Variants in SHOX observed in about 807,000 individuals in gnomAD.
SHOX encodes the protein short stature homeobox protein.
A neutral mutation model predicts 29.6 loss-of-function variants in SHOX; 12 were observed. The observed-to-expected ratio is 0.41, with a 90% CI of 0.26 to 0.66. The LOEUF (loss-of-function observed/expected upper bound fraction) is 0.66, where lower values mean the gene tolerates loss of function less well. SHOX is among the 30% of genes least tolerant of loss of function. SHOX has a pLI of 0.35. For missense variants in SHOX, 499 were observed against 437.7 expected (o/e 1.14, Z -1.25); for synonymous variants, 214 against 200.6 (o/e 1.07, Z -0.57).
chrX:626,852 C>G (rs763269105), upstream of SHOX, among the ~76,000 whole-genome samples: 4 of 150,820 alleles, frequency 2.7e-5, no homozygotes, highest in African/African-American at 9.8e-5. Context: ...CTCTGTCTCT[C>G]TGTCTGTCTC....
At position 646,713 on chromosome X, in the gene SHOX, G is replaced by A. The variant is rs148442993; in HGVS notation, c.*2077G>A. On this transcript the variant is annotated 3_prime_UTR_variant, in exon 5 of 5. Transcript: ENST00000686671. ...AATGTTACAACCGCTGTAAAATGACGGAGAGAGAGAGAAAGAATCCCAGAC... is the reference window on the plus strand; with the variant it reads ...AATGTTACAACCGCTGTAAAATGACAGAGAGAGAGAGAAAGAATCCCAGAC... 1 of 151,562 alleles carries A rather than the reference G, an allele frequency of 6.6e-6. No individual in the cohort carries two copies. Among genetic ancestry groups the A allele is most frequent in the East Asian group, 1.9e-4 (1 of 5,144 alleles). 9.4% of individuals were successfully genotyped at this position (151,562 alleles called of 1,614,324 possible). A position where few individuals can be genotyped will look rare whatever the true frequency, so the allele number is the denominator to read the frequency against.
At chrX:634,867 G>C in intron 2 of SHOX, 41 bp downstream of exon 2, 6 of 1,539,846 alleles carry the variant, frequency 3.9e-6, no homozygotes, top group Non-Finnish European at 4.4e-6. Context: ...CGGAGCCATC[G>C]CCTGGTCCTC....
At position 650,298 on chromosome X, in the gene SHOX, C is replaced by T. The variant is rs1028537859; in HGVS notation, c.*5662C>T. The stretch of plus-strand genomic sequence containing the variant: ...ACGGGAAGGAGGCCTTTGGGCCGCT[C>T]CAAAGACGCCCTGTCGTAGGAATGG... On this transcript the variant is annotated 3_prime_UTR_variant, in exon 5 of 5. Coordinates refer to ENST00000686671, the MANE Select transcript of SHOX (RefSeq NM_000451.4). Among the ~76,000 whole-genome samples, 1 of 151,890 alleles carries T rather than the reference C, an allele frequency of 6.6e-6. No individual in the cohort carries two copies.
upstream of SHOX, among the ~76,000 whole-genome samples, chrX:626,980 GTCTC>G (rs750542778): frequency 5.0e-5 from 7 of 139,814 alleles, no homozygotes; most frequent in Non-Finnish European, 9.4e-5. Flanking sequence ...GTCTACCTCT[GTCTC>G]TCTCTCTCTC....
rs753210587 is a variant in SHOX at position 634,830 on chromosome X, G to C, written c.486+4G>C. On this transcript the variant is annotated splice_donor_region_variant and intron_variant, in intron 2 of 4. Transcript: ENST00000686671. ...GCTCTCCGAGGCGCGCGTGCAGGTA[G>C]GAACCCGGGGGCGGGGGCGGGGGGC... The C allele has an allele frequency of 1.3e-6, 2 of 1,557,298 alleles. No individual in the cohort carries two copies. The highest frequency in any genetic ancestry group is 2.4e-5 in the South Asian group (2 of 85,036).
intron 5 of SHOX, among the ~76,000 whole-genome samples, chrX:657,924 G>A (rs1257988332): frequency 1.3e-5 from 2 of 152,092 alleles, no homozygotes; most frequent in African/African-American, 2.4e-5. Context: ...GGCCATATAT[G>A]GGAATACCAA....
At chrX:651,991 C>T (rs769593652), downstream of SHOX, among the ~76,000 whole-genome samples, 76 of 152,090 alleles carry the variant, frequency 5.0e-4, no homozygotes, top group Admixed American at 1.9e-3. Context: ...GGCGCGATCT[C>T]GGCTCACCGC....
chrX:642,054 G>A (rs1299082631), intron 4 of SHOX, among the ~76,000 whole-genome samples: 1 of 152,228 alleles, frequency 6.6e-6, no homozygotes. Flanking sequence ...CTTCCAGGGA[G>A]TCGGGGTTCG....
At chrX:634,417 C>T (rs997354058) in intron 1 of SHOX, among the ~76,000 whole-genome samples, 3 of 152,160 alleles carry the variant, frequency 2.0e-5, no homozygotes, top group African/African-American at 4.8e-5. Flanking sequence ...GCCAAGAAAA[C>T]AACGCTCGTG....
intron 1 of SHOX, among the ~76,000 whole-genome samples, chrX:625,024 C>CCCTCCCTCCTTTCCTTT (rs2052491177): frequency 6.9e-6 from 1 of 145,526 alleles, no homozygotes; most frequent in Non-Finnish European, 1.5e-5. Context: ...TTCCTTCTCT[C>CCCTCCCTCCTTTCCTTT]CCTCCCTCCT....
At chrX:634,959 G>A in intron 2 of SHOX, 133 bp downstream of exon 2, 1 of 938,016 alleles carries the variant, frequency 1.1e-6, no homozygotes, top group Non-Finnish European at 1.6e-6. Flanking sequence ...TTGGGTGAGG[G>A]ACGGGCTGGG....
chrX:634,566 G>A, intron 1 of SHOX, 52 bp from the exon 2 acceptor site: 2 of 1,598,726 alleles, frequency 1.3e-6, no homozygotes, highest in Non-Finnish European at 1.7e-6. Flanking sequence ...GGTTCGCCAC[G>A]TTGCGCAAAA....
rs1463585483 is a variant in SHOX at position 649,381 on chromosome X, G to A, written c.*4745G>A. ...GATGTTTAGGAAGGACTGGGCTGAT[G>A]GGGACCCTCTGTATGTGATGTGCGT... On this transcript the variant is annotated 3_prime_UTR_variant, in exon 5 of 5. Coordinates refer to ENST00000686671, the MANE Select transcript of SHOX (RefSeq NM_000451.4). Among the ~76,000 whole-genome samples, 2 of 152,136 alleles carry A rather than the reference G, an allele frequency of 1.3e-5. No homozygotes were observed. Among genetic ancestry groups the A allele is most frequent in the Non-Finnish European group, 2.9e-5 (2 of 68,030 alleles).
intron 4 of SHOX, among the ~76,000 whole-genome samples, chrX:643,176 C>T (rs1480684840): frequency 7.5e-6 from 1 of 133,350 alleles, no homozygotes; most frequent in Non-Finnish European, 1.6e-5. Flanking sequence ...GATCTGGTGT[C>T]CCAGGAGAGG....
Position 644,468 on chromosome X carries a change from C to T in SHOX, c.711C>T (p.Pro237=). The change falls in exon 5 of 5, where the codon CCC becomes CCT. Residue 237 remains proline, a synonymous_variant. Transcript: ENST00000686671. The part of the protein sequence containing the change: ...HLHPHLAAHA[P]YLMFPPPPFG... ...ACCCGCACCTGGCGGCGCACGCGCC[C>T]TACCTGATGTTCCCCCCGCCGCCCT... The T allele has an allele frequency of 7.9e-6, 12 of 1,525,252 alleles. No homozygotes were observed. The highest frequency in any genetic ancestry group is 1.0e-5 in the Non-Finnish European group (12 of 1,143,712). The allele number at this position is 1,525,252 out of a possible 1,614,324, so 94.5% of individuals were successfully genotyped here. A position where few individuals can be genotyped will look rare whatever the true frequency, so the allele number is the denominator to read the frequency against.
At chrX:631,243 G>T in intron 1 of SHOX, 69 bp downstream of exon 1, 1 of 1,567,570 alleles carries the variant, frequency 6.4e-7, no homozygotes, top group South Asian at 1.1e-5. Context: ...CCACGGAGTC[G>T]GCCCCGCGCG....
intron 4 of SHOX, 46 bp from the exon 5 acceptor site, chrX:644,345 C>T: frequency 6.7e-7 from 1 of 1,502,628 alleles, no homozygotes; most frequent in East Asian, 2.7e-5. Flanking sequence ...AGCAGGCCCC[C>T]CAGTCCCCAT....
chrX:627,859 C>T (rs755572567), upstream of SHOX, among the ~76,000 whole-genome samples: 1 of 152,244 alleles, frequency 6.6e-6, no homozygotes, highest in East Asian at 1.9e-4. Context: ...GACAGCTGAG[C>T]TGGGAGGACG....
At chrX:642,231 C>T (rs1347587659) in intron 4 of SHOX, among the ~76,000 whole-genome samples, 1 of 151,958 alleles carries the variant, frequency 6.6e-6, no homozygotes, top group East Asian at 1.9e-4. Flanking sequence ...CAGCGCCCGG[C>T]TGCGGTGCCC....
Sources: allele counts gnomAD v4.1 joint callset (sites outside exome capture counted in the v4.1 genomes callset), GRCh38; gene constraint gnomAD v4.1.1; transcripts MANE v1.5; gene names NCBI Gene and HGNC (gene_info 2026-07-23, HGNC 2026-07-21).